Variants in TELO2 observed in about 807,000 individuals in gnomAD.
TELO2 encodes telomere maintenance 2.
A neutral mutation model predicts 91.0 loss-of-function variants in TELO2; 71 were observed. That is an observed-to-expected ratio of 0.78 (90% CI 0.64 to 0.95). The LOEUF is 0.95. Ranked by LOEUF, TELO2 falls within the 40% of genes least tolerant of loss-of-function variation. The pLI, the probability that TELO2 is intolerant of heterozygous loss-of-function variation, is 0.00. For synonymous variants in TELO2, 584 were observed against 518.9 expected (o/e 1.13, Z -1.71); for missense variants, 1,183 against 1,141.3 (o/e 1.04, Z -0.53).
intron 5 of TELO2, among the ~76,000 whole-genome samples, chr16:1,498,884 C>T (rs931577888): frequency 6.6e-6 from 1 of 152,196 alleles, no homozygotes; most frequent in Non-Finnish European, 1.5e-5. Context: ...CAAAATTTGG[C>T]CCGCTGCATG....
chr16:1,507,515 A>G, intron 19 of TELO2, 86 bp from the exon 20 acceptor site: 2 of 1,481,356 alleles, frequency 1.4e-6, no homozygotes, highest in Non-Finnish European at 1.8e-6. Context: ...GCAGGGCCGC[A>G]GCGTGGGTGG....
In TELO2 at chr16:1,506,285, C is replaced by T. The variant is rs141481758; in HGVS notation, c.2082C>T (p.Ser694=). ...GPAGSPSRFN[S]VAGHFFFPLL... is the part of the protein sequence containing the mutation. Reference sequence around the variant, plus strand: ...CAGGCAGCCCCAGCAGATTCAACTCCGTGGCCGGCCACTTCTTCTTCCCCC... The same window carrying T: ...CAGGCAGCCCCAGCAGATTCAACTCTGTGGCCGGCCACTTCTTCTTCCCCC... The change falls in exon 17 of 21, where the codon TCC becomes TCT. Residue 694 remains serine (S), a synonymous_variant. Transcript: ENST00000262319. 4.0e-4 allele frequency: 640 copies of T among 1,613,976 alleles called. 10 individuals are homozygous for T. In the East Asian group the frequency reaches 0.013, roughly 33 times the overall value.
intron 5 of TELO2, among the ~76,000 whole-genome samples, chr16:1,498,129 C>T (rs1313340163): frequency 1.3e-5 from 2 of 152,018 alleles, no homozygotes; most frequent in African/African-American, 4.8e-5. Flanking sequence ...ATTCTCCTGC[C>T]TCAGCCTCCT....
At chr16:1,502,521 C>A (rs1174327700) in intron 13 of TELO2, 117 bp downstream of exon 13, 1 of 1,503,460 alleles carries the variant, frequency 6.7e-7, no homozygotes, top group South Asian at 1.2e-5. Context: ...GCTGCTGCCT[C>A]TCCCGGGGGG....
In TELO2 at chr16:1,494,608, T is replaced by G. The variant is rs765843588; in HGVS notation, c.327T>G (p.Gly109=). 6.2e-7 allele frequency: 1 copy of G among 1,611,276 alleles called. No individual in the cohort carries two copies. The highest frequency in any genetic ancestry group is 1.3e-5 in the African/African-American group (1 of 74,814). ...AFLVLMETIE[G]AAGPSFRLMK... ...TGGTGTTGATGGAGACCATCGAGGG[T>G]GCTGCGGGGTGAGTGGGCTGGGCCC... Residue 109 remains glycine (G), a synonymous_variant, in exon 2 of 21, where the codon GGT becomes GGG. Transcript: ENST00000262319. This position sits in a 1 kb window ranked among gnomAD's most constrained non-coding sequence, Gnocchi z 5.6.
In TELO2 at chr16:1,499,112, T is replaced by A. The variant is rs1596255794; in HGVS notation, c.831-119T>A. 162 of 948,380 alleles carry A rather than the reference T, an allele frequency of 1.7e-4. No individual in the cohort carries two copies. The South Asian group carries it at 2.2e-3, about 13-fold the overall frequency. The allele number at this position is 948,380 out of a possible 1,614,324, so 58.7% of individuals were successfully genotyped here. On this transcript the variant is annotated intron_variant, in intron 5 of 20. Transcript: ENST00000262319. ...GTCGGAGGATGGAACCAGAGGCTCGTGGCTAGGAATTGGCAGGCCGGGAGT... is the reference window on the plus strand; with the variant it reads ...GTCGGAGGATGGAACCAGAGGCTCGAGGCTAGGAATTGGCAGGCCGGGAGT...
chr16:1,494,220 A>G lies in TELO2; in HGVS notation c.-36-26A>G. 1 of 1,518,382 alleles carries G rather than the reference A, an allele frequency of 6.6e-7. No individual in the cohort carries two copies. The highest frequency in any genetic ancestry group is 9.0e-7 in the Non-Finnish European group (1 of 1,111,978). The allele number at this position is 1,518,382 out of a possible 1,614,324, so 94.1% of individuals were successfully genotyped here. A position where few individuals can be genotyped will look rare whatever the true frequency, so the allele number is the denominator to read the frequency against. Reference sequence around the variant, plus strand: ...TTGTGTGGATTATTTCCGTGCCCCAAGCTGAGCCCTGTGTCCATGTCACAG... The same window carrying G: ...TTGTGTGGATTATTTCCGTGCCCCAGGCTGAGCCCTGTGTCCATGTCACAG... On this transcript the variant is annotated intron_variant, in intron 1 of 20. Coordinates refer to ENST00000262319, the MANE Select transcript of TELO2 (RefSeq NM_016111.4). The surrounding 1 kb of genome is among the most constrained non-coding windows in gnomAD (Gnocchi z 5.6).
chr16:1,505,388 C>A lies in TELO2; in HGVS notation c.1843-22C>A, dbSNP rs867581808. The A allele has an allele frequency of 8.1e-6, 13 of 1,601,712 alleles. No homozygotes were observed. The African/African-American group carries it at 1.2e-4, about 15-fold the overall frequency. ...TTCTTCCCTGGAGCAGTGGCGACGGCCCTGGGCCTGTCTCCCTCCAGGTGC... is the reference window on the plus strand; with the variant it reads ...TTCTTCCCTGGAGCAGTGGCGACGGACCTGGGCCTGTCTCCCTCCAGGTGC... On this transcript the variant is annotated intron_variant, in intron 15 of 20. Coordinates refer to ENST00000262319, the MANE Select transcript of TELO2 (RefSeq NM_016111.4). This position sits in a 1 kb window ranked among gnomAD's most constrained non-coding sequence, Gnocchi z 4.3.
intron 6 of TELO2, 77 bp from the exon 7 acceptor site, chr16:1,500,019 G>C: frequency 1.3e-6 from 2 of 1,506,324 alleles, no homozygotes; most frequent in South Asian, 1.2e-5. Context: ...GTCCTGGCAT[G>C]GCTCTTGGCC....
chr16:1,502,329 G>A lies in TELO2; in HGVS notation c.1578G>A (p.Glu526=), dbSNP rs1354956225. ...TCTGTGCAGCCCTGACCACGTCTGA[G>A]GACATAGAGCGCTGGGAGGCAGCCC... ...RDCVEALTTS[E]DIERWEAALR... The change falls in exon 13 of 21, where the codon GAG becomes GAA. Residue 526 remains glutamate, a synonymous_variant. Coordinates refer to ENST00000262319, the MANE Select transcript of TELO2 (RefSeq NM_016111.4). The A allele has an allele frequency of 1.2e-6, 2 of 1,606,334 alleles. No individual in the cohort carries two copies. Among genetic ancestry groups the A allele is most frequent in the African/African-American group, 2.7e-5 (2 of 74,868 alleles).
chr16:1,494,268 A>G lies in TELO2; in HGVS notation c.-14A>G. ...CAGGTCGTCTTCCCGTGACGCCCAGATCTGTCCTGCAGGATGGAGCCAGCA... is the reference window on the plus strand; with the variant it reads ...CAGGTCGTCTTCCCGTGACGCCCAGGTCTGTCCTGCAGGATGGAGCCAGCA... On this transcript the variant is annotated 5_prime_UTR_variant, in exon 2 of 21. Transcript: ENST00000262319. This position sits in a 1 kb window ranked among gnomAD's most constrained non-coding sequence, Gnocchi z 5.6. The G allele has an allele frequency of 1.2e-6, 2 of 1,605,384 alleles. No individual in the cohort carries two copies. Among genetic ancestry groups the G allele is most frequent in the East Asian group, 2.2e-5 (1 of 44,648 alleles).
At position 1,505,258 on chromosome 16, in the gene TELO2, G is replaced by A. The variant is rs934718353; in HGVS notation, c.1843-152G>A. The A allele has an allele frequency of 6.1e-5, 55 of 894,342 alleles. No individual in the cohort carries two copies. Among genetic ancestry groups the A allele is most frequent in the Non-Finnish European group, 7.9e-5 (48 of 607,118 alleles). The allele number at this position is 894,342 out of a possible 1,614,324, so 55.4% of individuals were successfully genotyped here. A position where few individuals can be genotyped will look rare whatever the true frequency, so the allele number is the denominator to read the frequency against. ...CCAAGGCGCGGTTGCTGTGAGCTACGGGGAAGTGACTTTTCTCCTTGTTCC... is the reference window on the plus strand; with the variant it reads ...CCAAGGCGCGGTTGCTGTGAGCTACAGGGAAGTGACTTTTCTCCTTGTTCC... On this transcript the variant is annotated intron_variant, in intron 15 of 20. Coordinates refer to ENST00000262319, the MANE Select transcript of TELO2 (RefSeq NM_016111.4). The surrounding 1 kb of genome is among the most constrained non-coding windows in gnomAD (Gnocchi z 4.3).
chr16:1,506,042 C>T (rs556745721), intron 16 of TELO2, among the ~76,000 whole-genome samples, 196 bp from the exon 17 acceptor site: 127 of 152,366 alleles, frequency 8.3e-4, no homozygotes, highest in African/African-American at 2.3e-3. Context: ...GGTCTGCTGT[C>T]CAGGCATTGG....
intron 3 of TELO2, among the ~76,000 whole-genome samples, chr16:1,496,151 G>T (rs551388854): frequency 6.6e-6 from 1 of 152,158 alleles, no homozygotes; most frequent in Non-Finnish European, 1.5e-5. Context: ...TGCCTTTCCC[G>T]AGCTCCAGGC....
chr16:1,494,605 G>A lies in TELO2; in HGVS notation c.324G>A (p.Glu108=). 3 of 1,611,626 alleles carry A rather than the reference G, an allele frequency of 1.9e-6. No individual in the cohort carries two copies. Among genetic ancestry groups the A allele is most frequent in the Non-Finnish European group, 1.7e-6 (2 of 1,178,756 alleles). ...TCCTGGTGTTGATGGAGACCATCGA[G>A]GGTGCTGCGGGGTGAGTGGGCTGGG... ...QAFLVLMETI[E]GAAGPSFRLM... The change falls in exon 2 of 21, where the codon GAG becomes GAA. Residue 108 remains glutamate, a synonymous_variant. Transcript: ENST00000262319. The surrounding 1 kb of genome is among the most constrained non-coding windows in gnomAD (Gnocchi z 5.6).
intron 20 of TELO2, among the ~76,000 whole-genome samples, chr16:1,508,858 G>A (rs564941118): frequency 3.9e-5 from 6 of 152,292 alleles, no homozygotes; most frequent in East Asian, 3.9e-4. Flanking sequence ...CAGGGTGGCC[G>A]TGAATGTCTT....
intron 18 of TELO2, 114 bp from the exon 19 acceptor site, chr16:1,507,192 G>A (rs1016005796): frequency 3.5e-5 from 53 of 1,499,660 alleles, no homozygotes; most frequent in African/African-American, 1.7e-4. Flanking sequence ...GCATCCCCTC[G>A]GCTGTCAGGC....
chr16:1,495,731 G>A, intron 3 of TELO2, 108 bp downstream of exon 3: 2 of 1,434,190 alleles, frequency 1.4e-6, no homozygotes, highest in Non-Finnish European at 1.9e-6. Flanking sequence ...GTCTCTGGTT[G>A]ATGCCGTCAG....
At chr16:1,506,654 C>G in intron 17 of TELO2, 2 of 1,374,256 alleles carry the variant, frequency 1.5e-6, no homozygotes, top group Non-Finnish European at 1.9e-6. Context: ...GCACTGGCCC[C>G]ACGTTCAGGG....
Sources: allele counts gnomAD v4.1 joint callset (sites outside exome capture counted in the v4.1 genomes callset), GRCh38; gene constraint gnomAD v4.1.1; non-coding constraint Gnocchi (gnomAD v3.1); transcripts MANE v1.5; gene names NCBI Gene and HGNC (gene_info 2026-07-23, HGNC 2026-07-21).